The following ARHGAP28 variants were observed in gnomAD, a reference collection of about 807,000 sequenced individuals.
ARHGAP28 encodes rho GTPase-activating protein 28.
Under a neutral mutation model 90.7 loss-of-function variants are expected in ARHGAP28, and 56 were observed. The observed-to-expected ratio is 0.62, with a 90% CI of 0.50 to 0.77. The LOEUF is 0.77. ARHGAP28 is among the 30% of genes least tolerant of loss of function. The pLI is 0.00. For synonymous variants in ARHGAP28, 308 were observed against 323.3 expected, an observed-to-expected ratio of 0.95 and a Z score of 0.51; for missense variants, 869 against 900.9, an observed-to-expected ratio of 0.96 and a Z score of 0.45.
chr18:6,893,121 A>G (rs2057278856), intron 14 of ARHGAP28, among the ~76,000 whole-genome samples: 1 of 152,178 alleles, frequency 6.6e-6, no homozygotes, highest in African/African-American at 2.4e-5. Context: ...GCTGTGACAA[A>G]AACACTTGCC....
chr18:6,745,912 T>G (rs1346161829), intron 1 of ARHGAP28, among the ~76,000 whole-genome samples: 1 of 152,142 alleles, frequency 6.6e-6, no homozygotes. Flanking sequence ...AGGAAGCAGG[T>G]TTAGAGTAAA....
intron 3 of ARHGAP28, among the ~76,000 whole-genome samples, chr18:6,841,222 TC>T (rs1297178106): frequency 1.0e-5 from 1 of 100,146 alleles, no homozygotes. Flanking sequence ...TCTCTCTCTC[TC>T]CCCCCAACCC....
intron 5 of ARHGAP28, among the ~76,000 whole-genome samples, chr18:6,864,793 G>A (rs2057025763): frequency 6.6e-6 from 1 of 152,042 alleles, no homozygotes; most frequent in South Asian, 2.1e-4. Flanking sequence ...CAAGCTGTTG[G>A]CCTATTTCTG....
chr18:6,865,118 T>C (rs1246594201), intron 5 of ARHGAP28, among the ~76,000 whole-genome samples: 1 of 152,194 alleles, frequency 6.6e-6, no homozygotes, highest in Non-Finnish European at 1.5e-5. Context: ...ACTTGGATAA[T>C]TTTTTCTCAT....
At chr18:6,815,267 A>G (rs1343703494) in intron 1 of ARHGAP28, among the ~76,000 whole-genome samples, 1 of 152,236 alleles carries the variant, frequency 6.6e-6, no homozygotes, top group African/African-American at 2.4e-5. Context: ...GAGCAAGATC[A>G]TTTCCTACCT....
intron 1 of ARHGAP28, among the ~76,000 whole-genome samples, chr18:6,739,932 G>A (rs1353028041): frequency 1.3e-5 from 2 of 148,496 alleles, no homozygotes; most frequent in Non-Finnish European, 1.5e-5. Flanking sequence ...TTGGCTCACC[G>A]CAACTTCCAC....
intron 1 of ARHGAP28, among the ~76,000 whole-genome samples, chr18:6,747,745 A>G (rs1159282509): frequency 1.3e-5 from 2 of 152,216 alleles, no homozygotes; most frequent in African/African-American, 4.8e-5. Context: ...TTTAATAGCT[A>G]CTAATCATAA....
chr18:6,833,034 G>A (rs765526620), intron 2 of ARHGAP28, among the ~76,000 whole-genome samples: 4 of 151,940 alleles, frequency 2.6e-5, no homozygotes, highest in African/African-American at 9.7e-5. Flanking sequence ...TGCATATGTT[G>A]TACATACATC....
intron 1 of ARHGAP28, among the ~76,000 whole-genome samples, chr18:6,815,905 G>GTT (rs59226074): frequency 3.2e-4 from 46 of 144,360 alleles, no homozygotes; most frequent in Admixed American, 8.3e-4. Flanking sequence ...ATGTGTCATT[G>GTT]TTTTTTTTTT....
intron 17 of ARHGAP28, 74 bp from the exon 18 acceptor site, chr18:6,911,986 C>T: frequency 1.1e-6 from 1 of 927,362 alleles, no homozygotes; most frequent in Non-Finnish European, 1.6e-6. Context: ...CACAAACACA[C>T]ACAGACACAT....
chr18:6,911,145 G>A (rs1366884893), intron 17 of ARHGAP28, among the ~76,000 whole-genome samples: 3 of 152,100 alleles, frequency 2.0e-5, no homozygotes, highest in African/African-American at 7.2e-5. Flanking sequence ...GCTCTTGGTA[G>A]TTTTGTTTGA....
At chr18:6,820,796 C>T (rs373008162) in intron 1 of ARHGAP28, among the ~76,000 whole-genome samples, 1 of 151,968 alleles carries the variant, frequency 6.6e-6, no homozygotes, top group African/African-American at 2.4e-5. Flanking sequence ...AAATATTTGT[C>T]AAAAATGGAA....
intron 1 of ARHGAP28, among the ~76,000 whole-genome samples, chr18:6,732,334 G>T (rs2055889456): frequency 6.6e-6 from 1 of 152,148 alleles, no homozygotes; most frequent in South Asian, 2.1e-4. Flanking sequence ...CCAGCAACGT[G>T]TTAGGCATTT....
At chr18:6,787,816 A>G (rs2143531479) in intron 1 of ARHGAP28, among the ~76,000 whole-genome samples, 1 of 152,326 alleles carries the variant, frequency 6.6e-6, no homozygotes, top group African/African-American at 2.4e-5. Flanking sequence ...GGCACAAGAG[A>G]TTTCTTAATG....
rs1469231220 is a variant in ARHGAP28, at chr18:6,824,855, C to T, written c.216C>T (p.Ser72=). ...TCAGCCGTTCCAACTCAGAAGCCTC[C>T]GTAGACAGCGCCTCCATGGAGGATT... ...PAFSRSNSEA[S]VDSASMEDFW... is the part of the protein sequence containing the mutation. The change falls in exon 2 of 18, where the codon TCC becomes TCT. Residue 72 remains serine (S), a synonymous_variant. Coordinates refer to ENST00000383472, the MANE Select transcript of ARHGAP28 (RefSeq NM_001366230.1). The T allele has an allele frequency of 4.6e-6, 7 of 1,536,292 alleles. No individual in the cohort carries two copies. Among genetic ancestry groups the T allele is most frequent in the African/African-American group, 2.7e-5 (2 of 73,002 alleles).
intron 1 of ARHGAP28, among the ~76,000 whole-genome samples, chr18:6,761,158 G>A (rs538151500): frequency 7.9e-5 from 12 of 152,074 alleles, no homozygotes; most frequent in African/African-American, 2.9e-4. Flanking sequence ...CTTAGAGATG[G>A]GGGTGGGGGT....
At position 6,765,197 on chromosome 18, in the gene ARHGAP28, T is replaced by G. The variant is rs1024120770; in HGVS notation, c.122+35254T>G. Among the ~76,000 whole-genome samples the G allele has an allele frequency of 3.9e-5, 6 of 152,206 alleles. No individual in the cohort carries two copies. The South Asian group carries it at 1.0e-3, about 26-fold the overall frequency. On this transcript the variant is annotated intron_variant, in intron 1 of 17. Transcript: ENST00000383472. ...TTACAATGAATTGAGAAGAGTTCCT[T>G]TTACCTCTTTTCTGTGCAAGTTTGG... is the stretch of plus-strand genomic sequence containing the variant.
In ARHGAP28 at chr18:6,870,991, G is replaced by A. The variant is rs558984709; in HGVS notation, c.954+259G>A. ...AATTTTTTGTATTTTTGGTAGAGAT[G>A]GGGTTTCACCATGTTAGCCAGGATG... On this transcript the variant is annotated intron_variant, in intron 7 of 17. Coordinates refer to ENST00000383472, the MANE Select transcript of ARHGAP28 (RefSeq NM_001366230.1). Among the ~76,000 whole-genome samples, 3 of 152,252 alleles carry A rather than the reference G, an allele frequency of 2.0e-5. No homozygotes were observed. In the South Asian group the frequency reaches 6.2e-4, roughly 32 times the overall value.
chr18:6,887,223 A>G lies in ARHGAP28; in HGVS notation c.1520A>G (p.Asn507Ser), dbSNP rs935993270. ...HLMVMALPDANRDAAQALMTF... is the reference protein window; with the variant it reads ...HLMVMALPDASRDAAQALMTF... ...ATGGTCATGGCGCTGCCTGATGCCA[A>G]CAGAGATGCAGCTCAGGTACGTCGT... Residue 507 changes from asparagine to serine, a missense_variant, in exon 12 of 18, where the codon AAC becomes AGC. Physicochemically the swap from Asn to Ser is conservative, Grantham distance 46 (BLOSUM62 1). Coordinates refer to ENST00000383472, the MANE Select transcript of ARHGAP28 (RefSeq NM_001366230.1). 2.5e-6 allele frequency: 4 copies of G among 1,613,996 alleles called. No homozygotes were observed. The African/African-American group carries it at 4.0e-5, about 16-fold the overall frequency.
Sources: allele counts gnomAD v4.1 joint callset (sites outside exome capture counted in the v4.1 genomes callset), GRCh38; gene constraint gnomAD v4.1.1; transcripts MANE v1.5; gene names NCBI Gene and HGNC (gene_info 2026-07-23, HGNC 2026-07-21).